Variants in SNX13 observed in about 807,000 individuals in gnomAD.
The protein encoded by SNX13 is sorting nexin-13.
A neutral mutation model predicts 133.6 loss-of-function variants in SNX13; 45 were observed. The ratio of observed to expected loss-of-function variants is 0.34; its 90% CI spans 0.27 to 0.43. The LOEUF (loss-of-function observed/expected upper bound fraction) is 0.43. Among genes scored for constraint, SNX13 ranks in the 20% least tolerant of loss-of-function variants. The pLI is 1.00. For missense variants in SNX13, 1,032 were observed against 1,145.1 expected (o/e 0.90, Z 1.43); for synonymous variants, 414 against 373.9 (o/e 1.11, Z -1.24).
In SNX13 at chr7:17,839,827, C is replaced by A; in HGVS notation, c.1339G>T (p.Glu447Ter). ...LLRAAAVGIYEQYLSEKASPR... is the reference protein window; with the variant it reads ...LLRAAAVGIY Reference sequence around the variant, plus strand: ...CTCACCTTTTCTGATAAATACTGTTCATAAATTCCAACAGCAGCTGCTCTT... The same window carrying A: ...CTCACCTTTTCTGATAAATACTGTTAATAAATTCCAACAGCAGCTGCTCTT... Residue 447 changes from glutamate to a stop codon, truncating the protein, a stop_gained, in exon 13 of 26, where the codon GAA (glutamate) becomes TAA (stop). Transcript: ENST00000428135. LOFTEE classifies it high-confidence loss of function. 1 of 1,609,650 alleles carries A rather than the reference C, an allele frequency of 6.2e-7. No individual in the cohort carries two copies. The highest frequency in any genetic ancestry group is 1.1e-5 in the South Asian group (1 of 90,722).
At chr7:17,846,042 G>A (rs533479283) in intron 11 of SNX13, among the ~76,000 whole-genome samples, 3 of 152,056 alleles carry the variant, frequency 2.0e-5, no homozygotes, top group Non-Finnish European at 4.4e-5. Context: ...GTTAATATAC[G>A]CAAGAATTTT....
chr7:17,801,949 T>G (rs541754346), intron 21 of SNX13, among the ~76,000 whole-genome samples: 1 of 152,094 alleles, frequency 6.6e-6, no homozygotes, highest in African/African-American at 2.4e-5. Flanking sequence ...GTCAAATGAC[T>G]TGAAAGCCAA....
intron 20 of SNX13, among the ~76,000 whole-genome samples, chr7:17,805,872 A>G (rs1001924593): frequency 6.6e-5 from 10 of 152,318 alleles, no homozygotes; most frequent in South Asian, 6.2e-4. Context: ...TTAGGAGGGA[A>G]GTGGGGTAAG....
intron 5 of SNX13, chr7:17,882,975 A>G: frequency 5.2e-6 from 2 of 382,224 alleles, no homozygotes; most frequent in South Asian, 2.4e-5. Flanking sequence ...AAACAAAAAC[A>G]AACAGGGTTC....
At position 17,906,058 on chromosome 7, in the gene SNX13, G is replaced by C. The variant is rs143846622; in HGVS notation, c.13-8612C>G. On this transcript the variant is annotated intron_variant, in intron 1 of 25. Coordinates refer to ENST00000428135, the MANE Select transcript of SNX13 (RefSeq NM_015132.5). ...TCTTACTCAACATATACTAGTTTGTGTGGGATAAATGCACTATTCAAGAGT... is the reference window on the plus strand; with the variant it reads ...TCTTACTCAACATATACTAGTTTGTCTGGGATAAATGCACTATTCAAGAGT... Among the ~76,000 whole-genome samples the C allele has an allele frequency of 8.2e-3, 1,243 of 152,306 alleles. 11 individuals are homozygous for C. The highest frequency in any genetic ancestry group is 0.029 in the African/African-American group (1,192 of 41,560).
chr7:17,873,795 T>A (rs1386547326), intron 7 of SNX13, among the ~76,000 whole-genome samples, 179 bp from the exon 8 acceptor site: 2 of 152,216 alleles, frequency 1.3e-5, no homozygotes, highest in Non-Finnish European at 2.9e-5. Context: ...CTCCAAGTAG[T>A]AACTATTCAT....
At chr7:17,920,864 A>G (rs1800051732) in intron 1 of SNX13, among the ~76,000 whole-genome samples, 1 of 152,224 alleles carries the variant, frequency 6.6e-6, no homozygotes. Flanking sequence ...TCACAAATCT[A>G]GAACTGGACA....
intron 1 of SNX13, among the ~76,000 whole-genome samples, chr7:17,926,877 C>G (rs1299882794): frequency 6.6e-6 from 1 of 152,066 alleles, no homozygotes; most frequent in Non-Finnish European, 1.5e-5. Context: ...CAAAGTGAGA[C>G]CCTGTCTCAT....
intron 9 of SNX13, among the ~76,000 whole-genome samples, chr7:17,854,230 G>A (rs1224743365): frequency 6.6e-6 from 1 of 152,112 alleles, no homozygotes; most frequent in Non-Finnish European, 1.5e-5. Flanking sequence ...AAAGGATGGG[G>A]GCTAATTAAA....
At chr7:17,885,339 G>A (rs966600921) in intron 5 of SNX13, among the ~76,000 whole-genome samples, 1 of 150,274 alleles carries the variant, frequency 6.7e-6, no homozygotes, top group Non-Finnish European at 1.5e-5. Flanking sequence ...AGAGCTAGAA[G>A]CTTGGGGAAA....
At chr7:17,877,050 A>G (rs1794811921) in intron 5 of SNX13, among the ~76,000 whole-genome samples, 3 of 145,614 alleles carry the variant, frequency 2.1e-5, no homozygotes, top group Non-Finnish European at 4.5e-5. Flanking sequence ...TTTTTGAAAA[A>G]AAAAAAAAAA....
Position 17,864,974 on chromosome 7 carries a change from T to C in SNX13, c.837+3433A>G, listed in dbSNP as rs74440701. Reference sequence around the variant, plus strand: ...TTCAAAGTGCTGAAGGAAAAAAAAATGTCTTCCAACCTAAAATATATCCTG... The same window carrying C: ...TTCAAAGTGCTGAAGGAAAAAAAAACGTCTTCCAACCTAAAATATATCCTG... On this transcript the variant is annotated intron_variant, in intron 9 of 25. Coordinates refer to ENST00000428135, the MANE Select transcript of SNX13 (RefSeq NM_015132.5). 4.0e-3 allele frequency among the ~76,000 whole-genome samples: 609 copies of C among 152,062 alleles called. 10 individuals carry two copies. Among genetic ancestry groups the C allele is most frequent in the African/African-American group, 0.014 (575 of 41,464 alleles).
chr7:17,896,647 T>G (rs1302027587), intron 2 of SNX13, among the ~76,000 whole-genome samples: 2 of 152,102 alleles, frequency 1.3e-5, no homozygotes, highest in Non-Finnish European at 2.9e-5. Context: ...ACAAACACAT[T>G]AACAACAAAA....
rs536651070 is a variant in SNX13 at position 17,800,999 on chromosome 7, T to A, written c.2298+589A>T. Among the ~76,000 whole-genome samples, 3 of 80,402 alleles carry A rather than the reference T, an allele frequency of 3.7e-5. No individual in the cohort carries two copies. In the East Asian group the frequency reaches 1.2e-3, roughly 32 times the overall value. 52.7% of individuals were successfully genotyped at this position (80,402 alleles called of 152,430 possible). A position where few individuals can be genotyped will look rare whatever the true frequency, so the allele number is the denominator to read the frequency against. On this transcript the variant is annotated intron_variant, in intron 22 of 25. Coordinates refer to ENST00000428135, the MANE Select transcript of SNX13 (RefSeq NM_015132.5). ...TGAAAAAGTACTTGGCAGTATCTAC[T>A]AAAACTGAACATATATATATATATA...
intron 12 of SNX13, among the ~76,000 whole-genome samples, chr7:17,843,826 T>C (rs1474178655): frequency 6.6e-6 from 1 of 151,992 alleles, no homozygotes; most frequent in African/African-American, 2.4e-5. Flanking sequence ...ACCCTACTTA[T>C]CCTCTGAAAA....
intron 16 of SNX13, among the ~76,000 whole-genome samples, chr7:17,826,674 CTA>C (rs1420262774): frequency 6.6e-6 from 1 of 152,058 alleles, no homozygotes; most frequent in Non-Finnish European, 1.5e-5. Context: ...AATCCATAGA[CTA>C]TGATAGATTT....
intron 1 of SNX13, among the ~76,000 whole-genome samples, chr7:17,925,198 A>C (rs952831339): frequency 3.3e-5 from 5 of 152,174 alleles, no homozygotes; most frequent in Non-Finnish European, 5.9e-5. Flanking sequence ...TGAGTGAAAA[A>C]GTGAGACTCC....
At chr7:17,862,223 G>A (rs1473182320) in intron 9 of SNX13, among the ~76,000 whole-genome samples, 1 of 152,078 alleles carries the variant, frequency 6.6e-6, no homozygotes, top group African/African-American at 2.4e-5. Flanking sequence ...ATAACATTCT[G>A]TTCAACTTGC....
At chr7:17,904,229 G>T (rs1299022496) in intron 1 of SNX13, among the ~76,000 whole-genome samples, 2 of 152,198 alleles carry the variant, frequency 1.3e-5, no homozygotes, top group African/African-American at 2.4e-5. Flanking sequence ...ACAGATTCCA[G>T]ATTGCCGCTA....
Sources: gnomAD v4.1 joint callset for allele counts (sites outside exome capture counted in the v4.1 genomes callset) on GRCh38, gnomAD v4.1.1 for gene constraint, MANE v1.5 for transcripts, NCBI Gene and HGNC (gene_info 2026-07-23, HGNC 2026-07-21) for gene names.